BORA: variants seen among roughly 807,000 people sequenced by gnomAD.
The protein encoded by BORA is BORA aurora kinase A activator.
In BORA, 26 loss-of-function variants were observed where a neutral mutation model predicts 55.8. That is an observed-to-expected ratio of 0.47 (90% CI 0.34 to 0.65). The LOEUF is 0.65. Among genes scored for constraint, BORA ranks in the 30% least tolerant of loss-of-function variants. The pLI is 0.01. For missense variants in BORA, 568 were observed against 671.5 expected (o/e 0.85, Z 1.70); for synonymous variants, 201 against 216.9 (o/e 0.93, Z 0.64).
At position 72,753,622 on chromosome 13, in the gene BORA, G is replaced by A. The variant is rs984199288; in HGVS notation, c.1483-68G>A. 2.7e-6 allele frequency: 4 copies of A among 1,484,922 alleles called. No individual in the cohort carries two copies. In the African/African-American group the frequency reaches 4.2e-5, roughly 16 times the overall value. 92.0% of individuals were successfully genotyped at this position (1,484,922 alleles called of 1,614,324 possible). On this transcript the variant is annotated intron_variant, in intron 10 of 11. Coordinates refer to ENST00000390667, the MANE Select transcript of BORA (RefSeq NM_024808.5). ...ATGTAGTGAATGAGAGTTTATAGTG[G>A]TTTACTTATTTAAATATTTGACTTT...
chr13:72,743,722 T>TA lies in BORA; in HGVS notation c.454+122dup, dbSNP rs2033083954. On this transcript the variant is annotated intron_variant, in intron 6 of 11. Transcript: ENST00000390667. ...TGAAATTGTTTCCTTTTTTTTTTTT[T>TA]AATTTATTTTTGTTTTTTTGAGACA... 25 of 763,172 alleles carry TA rather than the reference T, an allele frequency of 3.3e-5. No individual in the cohort carries two copies. The South Asian group carries it at 3.4e-4, about 10-fold the overall frequency. The allele number at this position is 763,172 out of a possible 1,614,324, so 47.3% of individuals were successfully genotyped here.
chr13:72,731,436 G>T, intron 3 of BORA, 49 bp downstream of exon 3: 1 of 1,302,218 alleles, frequency 7.7e-7, no homozygotes, highest in South Asian at 1.2e-5. Flanking sequence ...CTCAAGTGAA[G>T]AGAGGTAGGA....
chr13:72,743,428 A>C (rs2033076141), intron 5 of BORA, 109 bp from the exon 6 acceptor site: 2 of 629,014 alleles, frequency 3.2e-6, no homozygotes, highest in Non-Finnish European at 5.1e-6. Flanking sequence ...ATTTTTTTTA[A>C]TGTTGCAAAA....
intron 5 of BORA, among the ~76,000 whole-genome samples, chr13:72,743,228 A>G (rs1372663546): frequency 6.6e-6 from 1 of 152,192 alleles, no homozygotes; most frequent in Non-Finnish European, 1.5e-5. Context: ...TGCTCTTGTC[A>G]TAGTGTATAC....
chr13:72,745,392 C>T (rs1270198252), intron 8 of BORA, among the ~76,000 whole-genome samples, 185 bp downstream of exon 8: 4 of 152,158 alleles, frequency 2.6e-5, no homozygotes, highest in Non-Finnish European at 5.9e-5. Context: ...AAACTAAGAA[C>T]TCATGACTGT....
rs1250138122 is a variant in BORA, at chr13:72,747,463, ATT to A, written c.1482+354_1482+355del. Among the ~76,000 whole-genome samples the A allele has an allele frequency of 2.6e-5, 4 of 152,154 alleles. No individual in the cohort carries two copies. In the East Asian group the frequency reaches 7.7e-4, roughly 29 times the overall value. ...CAAAACATGCAAGGTCTGGTATAGT[ATT>A]TGCATTCTAAAAATAAAATCATTTT... On this transcript the variant is annotated intron_variant, in intron 10 of 11. Transcript: ENST00000390667.
intron 10 of BORA, among the ~76,000 whole-genome samples, chr13:72,748,705 T>G (rs2033200924): frequency 6.6e-6 from 1 of 150,408 alleles, no homozygotes; most frequent in South Asian, 2.1e-4. Flanking sequence ...GTTTGCTGCT[T>G]TTACTCTCTG....
intron 10 of BORA, among the ~76,000 whole-genome samples, chr13:72,748,200 T>C (rs1323055577): frequency 1.3e-5 from 2 of 152,208 alleles, no homozygotes; most frequent in African/African-American, 4.8e-5. Flanking sequence ...ATGTGTACTG[T>C]TATCCCTGTT....
chr13:72,747,251 C>T (rs894663377), intron 10 of BORA, 140 bp downstream of exon 10: 4 of 844,872 alleles, frequency 4.7e-6, no homozygotes, highest in Non-Finnish European at 6.7e-6. Flanking sequence ...ATATTAATAC[C>T]AAGTGATATG....
rs4885036 is a variant in BORA, at chr13:72,737,742, G to T, written c.307-220G>T. 0.28 allele frequency among the ~76,000 whole-genome samples: 42,339 copies of T among 151,872 alleles called. 7,358 individuals carry two copies. The highest frequency in any genetic ancestry group is 0.52 in the East Asian group (2,697 of 5,158). On this transcript the variant is annotated intron_variant, in intron 4 of 11. Transcript: ENST00000390667. ...ATGATTAATCCTCTTAGTTTAGTTT[G>T]CAAGTTTCAAATTTAACTGGTTGAT...
At chr13:72,745,675 T>A (rs2033125719) in intron 8 of BORA, among the ~76,000 whole-genome samples, 1 of 152,182 alleles carries the variant, frequency 6.6e-6, no homozygotes. Flanking sequence ...TTAATAAATT[T>A]AAAAATTTTT....
At chr13:72,734,777 A>G (rs2138049294) in intron 3 of BORA, among the ~76,000 whole-genome samples, 183 bp from the exon 4 acceptor site, 1 of 152,342 alleles carries the variant, frequency 6.6e-6, no homozygotes, top group Middle Eastern at 3.4e-3. Context: ...TAACTGCTGA[A>G]TTTCAGAATA....
At position 72,743,569 on chromosome 13, in the gene BORA, AAAAAGCTGACCATTCATTCTGAG is replaced by A. The variant is rs764810727; in HGVS notation, c.428_450del (p.Leu143ArgfsTer15). On this transcript the variant is annotated frameshift_variant, in exon 6 of 12. Transcript: ENST00000390667. LOFTEE classifies it high-confidence loss of function. ...CATAAATAGTGACTCTCCAGTTGGA[AAAAAGCTGACCATTCATTCTGAG>A]AAAAGCGATGGTGAGTATGAACACA... is the stretch of plus-strand genomic sequence containing the variant. 31 of 1,611,156 alleles carry A rather than the reference AAAAAGCTGACCATTCATTCTGAG, an allele frequency of 1.9e-5. No individual in the cohort carries two copies. The highest frequency in any genetic ancestry group is 2.6e-5 in the Non-Finnish European group (31 of 1,178,582).
chr13:72,743,268 A>T (rs954679903), intron 5 of BORA, among the ~76,000 whole-genome samples: 1 of 152,194 alleles, frequency 6.6e-6, no homozygotes, highest in African/African-American at 2.4e-5. Flanking sequence ...TGTACCCCAT[A>T]AATGTATACA....
rs141300177 is a variant in BORA at position 72,750,033 on chromosome 13, G to A, written c.1482+2922G>A. Among the ~76,000 whole-genome samples the A allele has an allele frequency of 1.4e-3, 208 of 152,192 alleles. 2 individuals carry two copies. In the East Asian group the frequency reaches 0.026, roughly 19 times the overall value. On this transcript the variant is annotated intron_variant, in intron 10 of 11. Coordinates refer to ENST00000390667, the MANE Select transcript of BORA (RefSeq NM_024808.5). ...AATATTTGTGTAACAAAAACAGAAC[G>A]AATACGTAGGTTAAGTTCAACCAGA...
rs1013016971 is a variant in BORA, at chr13:72,746,954, C to T, written c.1325C>T (p.Ala442Val). The change falls in exon 10 of 12, where the codon GCA becomes GTA. Residue 442 changes from alanine (A) to valine (V), a missense_variant. Transcript: ENST00000390667. ...TVDMVDPIEI[A>V]DETTWIKEPV... ...GATATGGTTGATCCTATAGAGATAG[C>T]AGATGAGACCACTTGGATTAAGGAG... 3 of 1,613,986 alleles carry T rather than the reference C, an allele frequency of 1.9e-6. No individual in the cohort carries two copies. Among genetic ancestry groups the T allele is most frequent in the African/African-American group, 2.7e-5 (2 of 74,910 alleles).
At chr13:72,743,359 A>G (rs2033074669) in intron 5 of BORA, among the ~76,000 whole-genome samples, 178 bp from the exon 6 acceptor site, 1 of 122,436 alleles carries the variant, frequency 8.2e-6, no homozygotes, top group Admixed American at 8.2e-5. Context: ...TTATCCTTGT[A>G]TTCCCTCAAA....
chr13:72,736,477 A>T (rs17089717), intron 4 of BORA, among the ~76,000 whole-genome samples: 2 of 152,000 alleles, frequency 1.3e-5, no homozygotes, highest in Non-Finnish European at 2.9e-5. Context: ...TTCTCATACT[A>T]TTATCGTTCT....
chr13:72,740,572 T>C (rs2033014813), intron 5 of BORA, among the ~76,000 whole-genome samples: 1 of 152,144 alleles, frequency 6.6e-6, no homozygotes, highest in Non-Finnish European at 1.5e-5. Context: ...AAATGTTCTA[T>C]TGGATGCTAC....
Sources: allele counts gnomAD v4.1 joint callset (sites outside exome capture counted in the v4.1 genomes callset), GRCh38; gene constraint gnomAD v4.1.1; transcripts MANE v1.5; gene names NCBI Gene and HGNC (gene_info 2026-07-23, HGNC 2026-07-21).